The following CREB1 variants were observed in gnomAD, a reference collection of about 807,000 sequenced individuals.
CREB1 encodes the protein cAMP responsive element binding protein 1.
CREB1 carries 2 observed loss-of-function variants against 42.0 expected under a neutral mutation model. The observed-to-expected ratio is 0.05, with a 90% CI of 0.02 to 0.15. The LOEUF (loss-of-function observed/expected upper bound fraction) is 0.15, where lower values mean the gene tolerates loss of function less well. CREB1 is among the 10% of genes least tolerant of loss of function. The pLI is 1.00. For missense variants in CREB1, 199 were observed against 388.9 expected (o/e 0.51, Z 4.11); for synonymous variants, 123 against 139.9 (o/e 0.88, Z 0.85).
At chr2:207,534,742 A>T (rs773925899) in intron 1 of CREB1, 1 of 152,220 alleles carries the variant, frequency 6.6e-6, no homozygotes, top group Non-Finnish European at 1.5e-5. Flanking sequence ...ATTCATTCAC[A>T]TGATCTATAA....
intron 7 of CREB1, among the ~76,000 whole-genome samples, chr2:207,595,897 T>C (rs1476257019): frequency 1.3e-5 from 2 of 152,220 alleles, no homozygotes; most frequent in Non-Finnish European, 2.9e-5. Context: ...TTAGCAGATA[T>C]ATGATTTGCA....
Position 207,604,540 on chromosome 2 carries a change from G to A in CREB1, c.*7482G>A, listed in dbSNP as rs866948648. Among the ~76,000 whole-genome samples the A allele has an allele frequency of 6.6e-6, 1 of 152,136 alleles. No homozygotes were observed. Among genetic ancestry groups the A allele is most frequent in the South Asian group, 2.1e-4 (1 of 4,824 alleles). On this transcript the variant is annotated 3_prime_UTR_variant, in exon 8 of 8. Transcript: ENST00000353267. The stretch of plus-strand genomic sequence containing the variant: ...CGGATGAGAATTCTAACACGGGCCT[G>A]ACATCAAATGGAAAGGAAGGATAAT...
chr2:207,604,080 T>C lies in CREB1; in HGVS notation c.*7022T>C, dbSNP rs1049517721. Among the ~76,000 whole-genome samples, 2 of 152,166 alleles carry C rather than the reference T, an allele frequency of 1.3e-5. No homozygotes were observed. Among genetic ancestry groups the C allele is most frequent in the African/African-American group, 4.8e-5 (2 of 41,438 alleles). ...CATTTTGAGAGTGATATTAATTACA[T>C]GAGGGACAATAGGCATGAACTAGGA... On this transcript the variant is annotated 3_prime_UTR_variant, in exon 8 of 8. Transcript: ENST00000353267.
chr2:207,538,570 ATAATCT>A (rs937701548), intron 1 of CREB1, among the ~76,000 whole-genome samples: 5 of 152,240 alleles, frequency 3.3e-5, no homozygotes, highest in African/African-American at 1.2e-4. Flanking sequence ...TCTCTAAAAA[ATAATCT>A]TAAAAGGGGC....
chr2:207,585,835 A>T (rs2083721637), intron 7 of CREB1, among the ~76,000 whole-genome samples: 1 of 152,182 alleles, frequency 6.6e-6, no homozygotes, highest in Non-Finnish European at 1.5e-5. Context: ...AACCCAGTCA[A>T]ACACACACTA....
intron 1 of CREB1, among the ~76,000 whole-genome samples, chr2:207,548,637 G>C (rs1574797820): frequency 6.6e-6 from 1 of 151,974 alleles, no homozygotes. Flanking sequence ...TGTAATCCCA[G>C]CTACTTGAGA....
intron 2 of CREB1, among the ~76,000 whole-genome samples, chr2:207,556,253 C>A (rs2709402): frequency 0.16 from 23,655 of 152,062 alleles, 2,027 homozygotes; most frequent in Middle Eastern, 0.2. Flanking sequence ...TCTTTCATTT[C>A]ATCTTTCTCT....
chr2:207,555,187 T>C (rs1157576105), intron 1 of CREB1, among the ~76,000 whole-genome samples: 3 of 152,178 alleles, frequency 2.0e-5, no homozygotes, highest in African/African-American at 7.2e-5. Flanking sequence ...AATACCCTTA[T>C]AGGAGGTATT....
At chr2:207,548,521 C>A (rs1028189250) in intron 1 of CREB1, among the ~76,000 whole-genome samples, 1 of 152,078 alleles carries the variant, frequency 6.6e-6, no homozygotes. Context: ...GAGGCTGATG[C>A]GGGTAGATCA....
intron 7 of CREB1, among the ~76,000 whole-genome samples, chr2:207,584,477 C>T (rs1200916695): frequency 1.3e-5 from 2 of 152,182 alleles, no homozygotes; most frequent in Non-Finnish European, 2.9e-5. Flanking sequence ...CATGTCGGCT[C>T]ACTGTAACCT....
chr2:207,564,207 A>G (rs1419611316), intron 3 of CREB1, among the ~76,000 whole-genome samples: 1 of 152,114 alleles, frequency 6.6e-6, no homozygotes, highest in Non-Finnish European at 1.5e-5. Flanking sequence ...GACTTTCAGT[A>G]AGCTTCTTGA....
intron 4 of CREB1, among the ~76,000 whole-genome samples, chr2:207,569,700 T>G (rs1450136708): frequency 6.6e-6 from 1 of 152,094 alleles, no homozygotes; most frequent in African/African-American, 2.4e-5. Context: ...TTTTGACATC[T>G]AGATCAATCC....
At chr2:207,583,562 A>C (rs1053440710) in intron 7 of CREB1, among the ~76,000 whole-genome samples, 1 of 152,080 alleles carries the variant, frequency 6.6e-6, no homozygotes, top group Non-Finnish European at 1.5e-5. Flanking sequence ...AAGTTACTTC[A>C]CTCTGCTCCT....
At chr2:207,536,269 T>C (rs370477722) in intron 1 of CREB1, among the ~76,000 whole-genome samples, 6 of 152,188 alleles carry the variant, frequency 3.9e-5, no homozygotes, top group African/African-American at 1.4e-4. Flanking sequence ...AAAGCTGTCA[T>C]GGGCCAGTCG....
chr2:207,556,245 T>A (rs1481717190), intron 2 of CREB1, among the ~76,000 whole-genome samples: 1 of 152,204 alleles, frequency 6.6e-6, no homozygotes, highest in Non-Finnish European at 1.5e-5. Flanking sequence ...TTTCTGATTC[T>A]TTCATTTCAT....
intron 3 of CREB1, among the ~76,000 whole-genome samples, chr2:207,560,707 TA>T (rs1183469507): frequency 6.6e-6 from 1 of 152,194 alleles, no homozygotes; most frequent in Non-Finnish European, 1.5e-5. Context: ...AAATAGTAAC[TA>T]ATTTTCTAAA....
chr2:207,596,569 G>A (rs2086207436), intron 7 of CREB1, among the ~76,000 whole-genome samples: 1 of 152,160 alleles, frequency 6.6e-6, no homozygotes, highest in African/African-American at 2.4e-5. Context: ...AAGTAGCTGG[G>A]ACTACAGGCA....
At chr2:207,532,537 G>C (rs2080687958) in intron 1 of CREB1, among the ~76,000 whole-genome samples, 1 of 151,346 alleles carries the variant, frequency 6.6e-6, no homozygotes, top group East Asian at 2.0e-4. Flanking sequence ...GCTGGGTGTC[G>C]TGGCGCGTGC....
chr2:207,571,305 G>A (rs2082354711), intron 5 of CREB1, among the ~76,000 whole-genome samples: 1 of 151,828 alleles, frequency 6.6e-6, no homozygotes, highest in Non-Finnish European at 1.5e-5. Flanking sequence ...AGCCATCCAG[G>A]AGTTTAAGAC....
Sources: allele counts gnomAD v4.1 joint callset (sites outside exome capture counted in the v4.1 genomes callset), GRCh38; gene constraint gnomAD v4.1.1; transcripts MANE v1.5; gene names NCBI Gene and HGNC (gene_info 2026-07-23, HGNC 2026-07-21).